Variants in MPND observed in about 807,000 individuals in gnomAD.
MPND encodes the protein MPN domain-containing protein.
In MPND, 56 loss-of-function variants were observed where a neutral mutation model predicts 59.2. The observed-to-expected ratio is 0.95, with a 90% CI of 0.76 to 1.18. The LOEUF (loss-of-function observed/expected upper bound fraction) is 1.18. Ranked by LOEUF, MPND falls within the 50% of genes most tolerant of loss-of-function variation. The probability of loss-of-function intolerance (pLI) is 0.00; values close to 1 mark genes in which losing one functional copy is unlikely to be tolerated. For missense variants in MPND, 671 were observed against 676.0 expected (o/e 0.99, Z 0.08); for synonymous variants, 323 against 291.9 (o/e 1.11, Z -1.09).
In MPND at chr19:4,358,108, C is replaced by A. The variant is rs1346836554; in HGVS notation, c.1262C>A (p.Pro421His). The stretch of plus-strand genomic sequence containing the variant: ...CAAAGGCCCAGTGACTATGGCATCC[C>A]CATGGATGTGGAGATGGCCTACGTC... The part of the protein sequence containing the change: ...PEQRPSDYGI[P>H]MDVEMAYVQD... Residue 421 changes from proline to histidine, a missense_variant, in exon 11 of 13, where the codon CCC becomes CAC. Transcript: ENST00000599840. 2.6e-6 allele frequency: 4 copies of A among 1,551,390 alleles called. No homozygotes were observed. Among genetic ancestry groups the A allele is most frequent in the Non-Finnish European group, 3.5e-6 (4 of 1,146,974 alleles).
chr19:4,355,288 T>A, intron 8 of MPND, 115 bp downstream of exon 8: 1 of 1,017,592 alleles, frequency 9.8e-7, no homozygotes. Flanking sequence ...CAGGTGAGCA[T>A]GCCCGTCTGT....
intron 3 of MPND, among the ~76,000 whole-genome samples, chr19:4,349,591 A>C (rs963604691): frequency 6.6e-6 from 1 of 151,608 alleles, no homozygotes; most frequent in East Asian, 1.9e-4. Context: ...GCTCACTGCA[A>C]CCTCCGCCTC....
Position 4,357,154 on chromosome 19 carries a change from C to T in MPND, c.997-99C>T, listed in dbSNP as rs1599577828. On this transcript the variant is annotated intron_variant, in intron 8 of 12. Coordinates refer to ENST00000599840, the MANE Select transcript of MPND (RefSeq NM_001300862.2). ...CTTGGTCATCACTGTGTCCCCAGGC[C>T]TGATACACAGCAGGAATTCGTTCAG... 3.0e-6 allele frequency: 4 copies of T among 1,352,864 alleles called. No individual in the cohort carries two copies. In the East Asian group the frequency reaches 1.0e-4, roughly 34 times the overall value. The allele number at this position is 1,352,864 out of a possible 1,614,324, so 83.8% of individuals were successfully genotyped here.
intron 12 of MPND, 132 bp downstream of exon 12, chr19:4,359,387 C>A: frequency 3.1e-6 from 2 of 649,832 alleles, no homozygotes; most frequent in East Asian, 2.8e-5. Flanking sequence ...ACTGGTGACC[C>A]TGGTCACCCC....
Position 4,359,302 on chromosome 19 carries a change from G to C in MPND, c.1419+47G>C, listed in dbSNP as rs754367394. On this transcript the variant is annotated intron_variant, in intron 12 of 12. Transcript: ENST00000599840. ...ACCTCCTAACGGGGCCCCAGGAGAG[G>C]CCCCCTGGGCAGCCTAAAAGGTGGC... 4.2e-6 allele frequency: 6 copies of C among 1,418,546 alleles called. No individual in the cohort carries two copies. In the Admixed American group the frequency reaches 1.0e-4, roughly 25 times the overall value. 87.9% of individuals were successfully genotyped at this position (1,418,546 alleles called of 1,614,324 possible).
Position 4,360,018 on chromosome 19 carries a change from G to A in MPND, c.*16G>A. ...GGGGAGCTGAGCCTTCCAGGGCAGGGTGGGCTCCAGTTGTCTTGAGGGTCC... is the reference window on the plus strand; with the variant it reads ...GGGGAGCTGAGCCTTCCAGGGCAGGATGGGCTCCAGTTGTCTTGAGGGTCC... On this transcript the variant is annotated 3_prime_UTR_variant, in exon 13 of 13. Coordinates refer to ENST00000599840, the MANE Select transcript of MPND (RefSeq NM_001300862.2). 6.4e-7 allele frequency: 1 copy of A among 1,552,996 alleles called. No individual in the cohort carries two copies. Among genetic ancestry groups the A allele is most frequent in the South Asian group, 1.2e-5 (1 of 84,214 alleles).
intron 11 of MPND, chr19:4,358,440 T>C: frequency 2.1e-6 from 1 of 482,906 alleles, no homozygotes; most frequent in South Asian, 3.1e-5. Flanking sequence ...CCCCAGGGAC[T>C]TTGGGTGGTA....
chr19:4,348,973 G>A (rs1972251974), intron 3 of MPND: 1 of 216,134 alleles, frequency 4.6e-6, no homozygotes, highest in Non-Finnish European at 9.8e-6. Flanking sequence ...ATTCTTATAT[G>A]GATACAGTCC....
rs1383682692 is a variant in MPND at position 4,343,980 on chromosome 19, T to G, written c.280T>G (p.Ser94Ala). 1 of 1,376,674 alleles carries G rather than the reference T, an allele frequency of 7.3e-7. No homozygotes were observed. Among genetic ancestry groups the G allele is most frequent in the Non-Finnish European group, 9.4e-7 (1 of 1,064,624 alleles). The allele number at this position is 1,376,674 out of a possible 1,614,324, so 85.3% of individuals were successfully genotyped here. A position where few individuals can be genotyped will look rare whatever the true frequency, so the allele number is the denominator to read the frequency against. Residue 94 changes from serine (S) to alanine (A), a missense_variant, in exon 2 of 13, where the codon TCC becomes GCC. Transcript: ENST00000599840. Reference sequence around the variant, plus strand: ...GCTGGAGCCTGGCGCCGGGGTGCTGTCCATCTACTACCTGGTGAGCACCCC... The same window carrying G: ...GCTGGAGCCTGGCGCCGGGGTGCTGGCCATCTACTACCTGGTGAGCACCCC... ...ALLEPGAGVL[S>A]IYYLGKKFLG...
At chr19:4,352,647 G>A (rs1972344327) in intron 3 of MPND, among the ~76,000 whole-genome samples, 1 of 152,154 alleles carries the variant, frequency 6.6e-6, no homozygotes, top group South Asian at 2.1e-4. Context: ...TCACACCACT[G>A]CACTCCAGAC....
intron 11 of MPND, 110 bp downstream of exon 11, chr19:4,358,282 C>G (rs2144841251): frequency 5.2e-6 from 5 of 959,118 alleles, no homozygotes; most frequent in Non-Finnish European, 7.9e-6. Flanking sequence ...CTGGTGGCGC[C>G]TTGGGGGCCT....
intron 3 of MPND, among the ~76,000 whole-genome samples, chr19:4,350,270 G>A (rs911066462): frequency 3.9e-5 from 6 of 152,168 alleles, no homozygotes; most frequent in African/African-American, 1.4e-4. Flanking sequence ...GAGAGAGAAG[G>A]AGGTGGGGAG....
intron 8 of MPND, among the ~76,000 whole-genome samples, chr19:4,355,796 G>A (rs1972425897): frequency 6.6e-6 from 1 of 151,758 alleles, no homozygotes; most frequent in South Asian, 2.1e-4. Flanking sequence ...TTGACCTCGT[G>A]ATCTGCCCAC....
At position 4,354,958 on chromosome 19, in the gene MPND, A is replaced by G. The variant is rs1191212301; in HGVS notation, c.856A>G (p.Ser286Gly). Residue 286 changes from serine (S) to glycine (G), a missense_variant, in exon 7 of 13, where the codon AGT becomes GGT. By Grantham distance (56) the Ser-to-Gly change is moderately conservative (BLOSUM62 0). Transcript: ENST00000599840. ...TTCCTCCCTTCCCCAGGACTTCCAC[A>G]GTCACCTGACACGGAGTGAGGTCGT... ...SNVLFLLDFH[S>G]HLTRSEVVGY... 3 of 1,591,528 alleles carry G rather than the reference A, an allele frequency of 1.9e-6. No individual in the cohort carries two copies. The highest frequency in any genetic ancestry group is 3.4e-5 in the Admixed American group (2 of 58,250).
At chr19:4,344,029 CG>C in intron 2 of MPND, 35 bp downstream of exon 2, 1 of 1,276,036 alleles carries the variant, frequency 7.8e-7, no homozygotes, top group South Asian at 2.4e-5. Flanking sequence ...CATCGCGGCT[CG>C]GGCAGGAAGG....
chr19:4,358,322 A>G (rs1349713680), intron 11 of MPND, 150 bp downstream of exon 11: 1 of 682,676 alleles, frequency 1.5e-6, no homozygotes, highest in Non-Finnish European at 2.5e-6. Flanking sequence ...CACTCAGGAC[A>G]GAGTCCAGGC....
At chr19:4,345,302 C>T (rs1231268213) in intron 2 of MPND, among the ~76,000 whole-genome samples, 1 of 151,764 alleles carries the variant, frequency 6.6e-6, no homozygotes, top group Non-Finnish European at 1.5e-5. Context: ...CCGCCTCAGC[C>T]TCCCAAAGTG....
At chr19:4,357,083 C>A in intron 8 of MPND, 170 bp from the exon 9 acceptor site, 1 of 539,350 alleles carries the variant, frequency 1.9e-6, no homozygotes, top group Non-Finnish European at 2.9e-6. Flanking sequence ...TGTTGGCTGT[C>A]TCTCCAGCTC....
intron 6 of MPND, 40 bp downstream of exon 6, chr19:4,354,460 G>A: frequency 1.3e-6 from 2 of 1,524,210 alleles, no homozygotes; most frequent in South Asian, 1.2e-5. Context: ...GGGCTCCGGA[G>A]CCCAGTCGGT....
Sources: allele counts gnomAD v4.1 joint callset (sites outside exome capture counted in the v4.1 genomes callset), GRCh38; gene constraint gnomAD v4.1.1; transcripts MANE v1.5; gene names NCBI Gene and HGNC (gene_info 2026-07-23, HGNC 2026-07-21).